Variants in ZBTB49 observed in about 807,000 individuals in gnomAD.
ZBTB49 encodes the protein zinc finger and BTB domain containing 49, also known as zinc finger and BTB domain-containing protein 49.
ZBTB49 carries 43 observed loss-of-function variants against 57.5 expected under a neutral mutation model. The ratio of observed to expected loss-of-function variants is 0.75; its 90% confidence interval spans 0.59 to 0.97. ZBTB49 has a LOEUF of 0.97. Among genes scored for constraint, ZBTB49 ranks in the 50% least tolerant of loss-of-function variants. The pLI is 0.00. For synonymous variants in ZBTB49, 369 were observed against 362.1 expected (o/e 1.02, Z -0.22); for missense variants, 938 against 947.7 (o/e 0.99, Z 0.13).
At chr4:4,296,620 G>T (rs548656677) in intron 1 of ZBTB49, among the ~76,000 whole-genome samples, 4 of 152,330 alleles carry the variant, frequency 2.6e-5, no homozygotes, top group African/African-American at 9.6e-5. Flanking sequence ...AAATTGCCCA[G>T]TCTTGGGTAT....
intron 4 of ZBTB49, among the ~76,000 whole-genome samples, chr4:4,307,029 ACT>A (rs1226113671): frequency 6.6e-6 from 1 of 151,856 alleles, no homozygotes; most frequent in Non-Finnish European, 1.5e-5. Flanking sequence ...CCTAGAGCAG[ACT>A]CTTCCAGTTT....
In ZBTB49 at chr4:4,290,277, G is replaced by A. The variant is rs1719821377; in HGVS notation, c.-95G>A. 6.6e-6 allele frequency: 1 copy of A among 152,370 alleles called. No homozygotes were observed. Among genetic ancestry groups the A allele is most frequent in the African/African-American group, 2.4e-5 (1 of 41,464 alleles). The allele number at this position is 152,370 out of a possible 1,614,324, so 9.4% of individuals were successfully genotyped here. ...TTGTCGTGATGATTCCGCGGCCAGC[G>A]GATCGCTGCGAGTGGCCTTGAAGGC... On this transcript the variant is annotated 5_prime_UTR_variant, in exon 1 of 8. Coordinates refer to ENST00000337872, the MANE Select transcript of ZBTB49 (RefSeq NM_145291.4).
chr4:4,312,553 G>T (rs1721018401), intron 4 of ZBTB49, among the ~76,000 whole-genome samples: 1 of 152,216 alleles, frequency 6.6e-6, no homozygotes, highest in East Asian at 1.9e-4. Context: ...AAGTGTACTT[G>T]CCAGAGGAAG....
intron 3 of ZBTB49, among the ~76,000 whole-genome samples, chr4:4,303,902 G>A (rs1170375456): frequency 6.6e-6 from 1 of 151,942 alleles, no homozygotes; most frequent in Non-Finnish European, 1.5e-5. Flanking sequence ...TTACCTTATA[G>A]GCATGAGAAG....
In ZBTB49 at chr4:4,302,423, A is replaced by T. The variant is rs1720526326; in HGVS notation, c.587A>T (p.Asp196Val). 6.2e-7 allele frequency: 1 copy of T among 1,614,112 alleles called. No homozygotes were observed. Among genetic ancestry groups the T allele is most frequent in the Admixed American group, 1.7e-5 (1 of 59,996 alleles). The stretch of plus-strand genomic sequence containing the variant: ...GGTGAAATCTCAAAACAAGCTCCTG[A>T]TACTTCAGATGGCAGCTGCACAGAA... Reference protein sequence around the residue: ...SAGEISKQAPDTSDGSCTELP... With the variant: ...SAGEISKQAPVTSDGSCTELP... Residue 196 changes from aspartate to valine, a missense_variant, in exon 3 of 8, where the codon GAT becomes GTT. By Grantham distance (152) the Asp-to-Val change is radical (BLOSUM62 -3). Transcript: ENST00000337872.
chr4:4,309,967 CTT>C (rs1363438273), intron 4 of ZBTB49, among the ~76,000 whole-genome samples: 1 of 152,162 alleles, frequency 6.6e-6, no homozygotes, highest in East Asian at 1.9e-4. Flanking sequence ...AGCTAGCTGA[CTT>C]TTAATATCTG....
Position 4,301,975 on chromosome 4 carries a change from C to A in ZBTB49, c.153-14C>A. 6.7e-7 allele frequency: 1 copy of A among 1,498,734 alleles called. No individual in the cohort carries two copies. Among genetic ancestry groups the A allele is most frequent in the Non-Finnish European group, 8.9e-7 (1 of 1,125,024 alleles). The allele number at this position is 1,498,734 out of a possible 1,614,324, so 92.8% of individuals were successfully genotyped here. ...ATTTTTGGCACTGTAAACAGATATT[C>A]TTTCTTTTACCAGGAGCCTCTTTCA... On this transcript the variant is annotated splice_polypyrimidine_tract_variant and intron_variant, in intron 2 of 7. Transcript: ENST00000337872.
intron 7 of ZBTB49, among the ~76,000 whole-genome samples, chr4:4,319,391 G>T (rs931104301): frequency 5.9e-5 from 9 of 152,236 alleles, no homozygotes; most frequent in African/African-American, 2.2e-4. Context: ...TGGCTAGTCT[G>T]TGGCCTTTGT....
At chr4:4,293,351 G>A (rs940536143) in intron 1 of ZBTB49, among the ~76,000 whole-genome samples, 1 of 152,200 alleles carries the variant, frequency 6.6e-6, no homozygotes, top group Non-Finnish European at 1.5e-5. Flanking sequence ...GTTCCTTAAT[G>A]CAAAGCTTGT....
In ZBTB49 at chr4:4,295,710, C is replaced by G. The variant is rs186637458; in HGVS notation, c.-19-4217C>G. On this transcript the variant is annotated intron_variant, in intron 1 of 7. Transcript: ENST00000337872. ...TTTGGGGCAGTACCTCAGTGTTGCTCTTTGTCCCAGTTTTCTCTGAGTCTC... is the reference window on the plus strand; with the variant it reads ...TTTGGGGCAGTACCTCAGTGTTGCTGTTTGTCCCAGTTTTCTCTGAGTCTC... Among the ~76,000 whole-genome samples, 5 of 152,296 alleles carry G rather than the reference C, an allele frequency of 3.3e-5. No individual in the cohort carries two copies. The East Asian group carries it at 7.7e-4, about 24-fold the overall frequency.
chr4:4,293,005 TC>T (rs750669945), intron 1 of ZBTB49, among the ~76,000 whole-genome samples: 2 of 152,154 alleles, frequency 1.3e-5, no homozygotes, highest in African/African-American at 2.4e-5. Context: ...ACCATCACAT[TC>T]CTTGTATAGA....
At chr4:4,296,596 C>T (rs1241129770) in intron 1 of ZBTB49, among the ~76,000 whole-genome samples, 1 of 152,232 alleles carries the variant, frequency 6.6e-6, no homozygotes, top group Non-Finnish European at 1.5e-5. Flanking sequence ...GTCTAATAAA[C>T]CTCTTTCTTT....
chr4:4,293,377 G>A (rs566030831), intron 1 of ZBTB49, among the ~76,000 whole-genome samples: 1 of 152,338 alleles, frequency 6.6e-6, no homozygotes, highest in Non-Finnish European at 1.5e-5. Flanking sequence ...GGATTACCTG[G>A]ACAATCAGGC....
intron 3 of ZBTB49, among the ~76,000 whole-genome samples, chr4:4,304,167 G>A (rs188501335): frequency 5.3e-5 from 8 of 151,512 alleles, no homozygotes; most frequent in African/African-American, 1.9e-4. Context: ...GTTTTGCCCT[G>A]AAAAAACTTT....
intron 1 of ZBTB49, 123 bp from the exon 2 acceptor site, chr4:4,299,804 T>A: frequency 1.3e-6 from 1 of 743,834 alleles, no homozygotes; most frequent in Admixed American, 2.5e-5. Context: ...TGTGTGTGTG[T>A]GTGTGTGAGA....
In ZBTB49 at chr4:4,313,265, G is replaced by C. The variant is rs576156231; in HGVS notation, c.1376+151G>C. On this transcript the variant is annotated intron_variant, in intron 5 of 7. Coordinates refer to ENST00000337872, the MANE Select transcript of ZBTB49 (RefSeq NM_145291.4). The stretch of plus-strand genomic sequence containing the variant: ...GAACACAGGTAAATTCAAACCTTCT[G>C]GCTTTGCATGTGACACACGAGAGAA... 12 of 681,030 alleles carry C rather than the reference G, an allele frequency of 1.8e-5. No homozygotes were observed. In the East Asian group the frequency reaches 3.5e-4, roughly 20 times the overall value. The allele number at this position is 681,030 out of a possible 1,614,324, so 42.2% of individuals were successfully genotyped here. A position where few individuals can be genotyped will look rare whatever the true frequency, so the allele number is the denominator to read the frequency against.
Position 4,302,361 on chromosome 4 carries a change from G to A in ZBTB49, c.525G>A (p.Pro175=), listed in dbSNP as rs115129306. The change falls in exon 3 of 8, where the codon CCG becomes CCA. Residue 175 remains proline, a synonymous_variant. Transcript: ENST00000337872. ...QQNKTLDESH[P]HASPSVNRHH... is the part of the protein sequence containing the mutation. ...ACAAAACGTTGGATGAATCGCATCCGCATGCTTCACCATCAGTTAATCGTC... is the reference window on the plus strand; with the variant it reads ...ACAAAACGTTGGATGAATCGCATCCACATGCTTCACCATCAGTTAATCGTC... The A allele has an allele frequency of 8.2e-4, 1,324 of 1,614,184 alleles. 11 individuals are homozygous for A. The African/African-American group carries it at 0.016, about 19-fold the overall frequency.
chr4:4,319,921 T>G (rs528345339), intron 7 of ZBTB49, among the ~76,000 whole-genome samples: 8 of 151,934 alleles, frequency 5.3e-5, no homozygotes, highest in African/African-American at 1.9e-4. Flanking sequence ...AAAATTAGCC[T>G]GGCGTGGTGT....
At position 4,320,646 on chromosome 4, in the gene ZBTB49, G is replaced by C. The variant is rs367771646; in HGVS notation, c.1628G>C (p.Cys543Ser). 4.0e-5 allele frequency: 65 copies of C among 1,613,778 alleles called. No homozygotes were observed. The highest frequency in any genetic ancestry group is 5.2e-5 in the Non-Finnish European group (61 of 1,179,980). Residue 543 changes from cysteine to serine, a missense_variant, in exon 8 of 8, where the codon TGT becomes TCT. This residue lies in a region of ZBTB49 where 835 missense variants were observed against 819.1 expected (regional missense o/e 1.02). Coordinates refer to ENST00000337872, the MANE Select transcript of ZBTB49 (RefSeq NM_145291.4). ...ACTGTTTTTCTTTTTCCAGGGAAAT[G>C]TTTTGGGGGATCAGGTGACCTCCGC... ...RPYSCSACGK[C>S]FGGSGDLRRH...
Sources: gnomAD v4.1 joint callset for allele counts (sites outside exome capture counted in the v4.1 genomes callset) on GRCh38, gnomAD v4.1.1 for gene constraint, gnomAD v4.1.1 regional missense constraint, MANE v1.5 for transcripts, NCBI Gene and HGNC (gene_info 2026-07-23, HGNC 2026-07-21) for gene names.